The following PPP1R12C variants were observed in gnomAD, a reference collection of about 807,000 sequenced individuals.
PPP1R12C encodes the protein protein phosphatase 1 regulatory subunit 12C, also known as leukocyte receptor cluster (LRC) encoded novel gene 3.
PPP1R12C carries 48 observed loss-of-function variants against 95.6 expected under a neutral mutation model. The ratio of observed to expected loss-of-function variants is 0.50; its 90% CI spans 0.40 to 0.64. The LOEUF is 0.64. Among genes scored for constraint, PPP1R12C ranks in the 30% least tolerant of loss-of-function variants. The pLI is 0.00. For synonymous variants in PPP1R12C, 480 were observed against 460.8 expected, an observed-to-expected ratio of 1.04 and a Z score of -0.53; for missense variants, 1,057 against 1,083.3, an observed-to-expected ratio of 0.98 and a Z score of 0.34.
chr19:55,110,922 A>G lies in PPP1R12C; in HGVS notation c.571+1545T>C, dbSNP rs75361243. Among the ~76,000 whole-genome samples the G allele has an allele frequency of 3.6e-3, 553 of 151,746 alleles. 8 individuals are homozygous for G. Among genetic ancestry groups the G allele is most frequent in the African/African-American group, 0.012 (513 of 41,420 alleles). The stretch of plus-strand genomic sequence containing the variant: ...AAAGGCAGGGGTGGGGTGGTAAGAA[A>G]GGAAGGGAGAGATGGAGGGAAAAAA... On this transcript the variant is annotated intron_variant, in intron 3 of 21. Transcript: ENST00000263433.
At chr19:55,104,199 T>TATACACACAC (rs34075382) in intron 3 of PPP1R12C, among the ~76,000 whole-genome samples, 94 of 120,038 alleles carry the variant, frequency 7.8e-4, no homozygotes, top group African/African-American at 3.4e-3. Context: ...TATATATATA[T>TATACACACAC]ACACACACAC....
At chr19:55,096,014 T>G in intron 8 of PPP1R12C, 37 bp downstream of exon 8, 1 of 1,607,744 alleles carries the variant, frequency 6.2e-7, no homozygotes, top group Non-Finnish European at 8.5e-7. Flanking sequence ...CGACCCCTCC[T>G]CCCTCGGACC....
intron 19 of PPP1R12C, 87 bp from the exon 20 acceptor site, chr19:55,091,996 G>A (rs930445330): frequency 8.7e-6 from 13 of 1,499,388 alleles, no homozygotes; most frequent in East Asian, 4.6e-5. Flanking sequence ...GCACCCGCCC[G>A]CCCACTAGGC....
intron 3 of PPP1R12C, among the ~76,000 whole-genome samples, chr19:55,105,817 C>T (rs112811236): frequency 0.01 from 1,537 of 152,118 alleles, 23 homozygotes; most frequent in African/African-American, 0.035. Context: ...TGGTGCACAC[C>T]TATGGTCTCA....
Position 55,098,814 on chromosome 19 carries a change from C to T in PPP1R12C, c.921G>A (p.Leu307=). 6.2e-7 allele frequency: 1 copy of T among 1,613,576 alleles called. No homozygotes were observed. Among genetic ancestry groups the T allele is most frequent in the South Asian group, 1.1e-5 (1 of 91,088 alleles). ...CDLADEEVLS[L]LEELARKQED... is the part of the protein sequence containing the mutation. ...CCTGTTTCCGGGCCAGTTCCTCCAA[C>T]AGGCTCAGTACTTCCTCATCGGCCA... Residue 307 remains leucine (L), a synonymous_variant, in exon 6 of 22, where the codon CTG becomes CTA. Coordinates refer to ENST00000263433, the MANE Select transcript of PPP1R12C (RefSeq NM_017607.4).
chr19:55,094,336 A>T lies in PPP1R12C; in HGVS notation c.1683+9T>A, dbSNP rs3803899. On this transcript the variant is annotated intron_variant, in intron 13 of 21. Coordinates refer to ENST00000263433, the MANE Select transcript of PPP1R12C (RefSeq NM_017607.4). The stretch of plus-strand genomic sequence containing the variant: ...GACCCAGGAGTCCAGACCCCAGCCC[A>T]CCCCACACCTGTGTGGACCTCCGAG... 1 of 1,434,594 alleles carries T rather than the reference A, an allele frequency of 7.0e-7. No individual in the cohort carries two copies. Among genetic ancestry groups the T allele is most frequent in the Admixed American group, 1.8e-5 (1 of 55,324 alleles). 88.9% of individuals were successfully genotyped at this position (1,434,594 alleles called of 1,614,324 possible).
Position 55,098,870 on chromosome 19 carries a change from G to T in PPP1R12C, c.877-12C>A, listed in dbSNP as rs1396314974. ...CAGGGACGCTGCCCCTGGGTCAGGG[G>T]AGGAGCAGGATCAGACAATGAAGGA... On this transcript the variant is annotated splice_polypyrimidine_tract_variant and intron_variant, in intron 5 of 21. Coordinates refer to ENST00000263433, the MANE Select transcript of PPP1R12C (RefSeq NM_017607.4). 1 of 1,612,934 alleles carries T rather than the reference G, an allele frequency of 6.2e-7. No homozygotes were observed. The highest frequency in any genetic ancestry group is 8.5e-7 in the Non-Finnish European group (1 of 1,179,724).
chr19:55,091,697 G>C lies in PPP1R12C; in HGVS notation c.2215C>G (p.Arg739Gly), dbSNP rs558485178. The C allele has an allele frequency of 1.9e-6, 3 of 1,613,060 alleles. No individual in the cohort carries two copies. The highest frequency in any genetic ancestry group is 1.3e-5 in the African/African-American group (1 of 74,778). ...PALLELERFERRALERKAAEL... is the reference protein window; with the variant it reads ...PALLELERFEGRALERKAAEL... ...GCGGCCTTGCGTTCCAGGGCCCTGC[G>C]CTCCTGGAATGAACAGGGAAAGTGC... The change falls in exon 21 of 22, where the codon CGC becomes GGC. Residue 739 changes from arginine (R) to glycine (G), a missense_variant. Physicochemically the swap from Arg to Gly is moderately radical, Grantham distance 125. Transcript: ENST00000263433.
intron 1 of PPP1R12C, 47 bp downstream of exon 1, chr19:55,117,176 C>G: frequency 8.3e-7 from 1 of 1,211,212 alleles, no homozygotes; most frequent in South Asian, 4.1e-5. Flanking sequence ...GGTGGCGCAG[C>G]AGAGGGTGGA....
In PPP1R12C at chr19:55,098,954, A is replaced by G. The variant is rs1409897832; in HGVS notation, c.873T>C (p.His291=). The G allele has an allele frequency of 1.9e-6, 3 of 1,580,584 alleles. No homozygotes were observed. Among genetic ancestry groups the G allele is most frequent in the Non-Finnish European group, 2.6e-6 (3 of 1,163,208 alleles). ...EHGGGMDSLT[H]AGQRPCDLAD... ...CAGCCTGGGCACTGGCCCTCACCGC[A>G]TGGGTCAGTGAGTCCATGCCCCCGC... is the stretch of plus-strand genomic sequence containing the variant. Residue 291 remains histidine, a synonymous_variant, in exon 5 of 22, where the codon CAT becomes CAC. Coordinates refer to ENST00000263433, the MANE Select transcript of PPP1R12C (RefSeq NM_017607.4).
Position 55,095,406 on chromosome 19 carries a change from C to A in PPP1R12C, c.1386+39G>T, listed in dbSNP as rs115316703. The A allele has an allele frequency of 2.4e-3, 3,722 of 1,564,988 alleles. 63 individuals carry two copies. The African/African-American group carries it at 0.045, about 19-fold the overall frequency. Reference sequence around the variant, plus strand: ...GGAAGGGGCAGTTCCCTCGACTGGGCAGGGGCCTGGGCCTGGACCCGGCCC... The same window carrying A: ...GGAAGGGGCAGTTCCCTCGACTGGGAAGGGGCCTGGGCCTGGACCCGGCCC... On this transcript the variant is annotated intron_variant, in intron 10 of 21. Coordinates refer to ENST00000263433, the MANE Select transcript of PPP1R12C (RefSeq NM_017607.4).
chr19:55,110,786 G>A (rs1194262104), intron 3 of PPP1R12C, among the ~76,000 whole-genome samples: 2 of 151,596 alleles, frequency 1.3e-5, no homozygotes, highest in African/African-American at 4.9e-5. Flanking sequence ...CAGGAGAATC[G>A]CTTGAACCCA....
intron 4 of PPP1R12C, among the ~76,000 whole-genome samples, chr19:55,102,541 A>G (rs904400491): frequency 6.6e-6 from 1 of 152,210 alleles, no homozygotes; most frequent in African/African-American, 2.4e-5. Flanking sequence ...CTATATATGC[A>G]CCAAATAATC....
chr19:55,092,912 C>A, intron 15 of PPP1R12C, 44 bp from the exon 16 acceptor site: 1 of 1,595,698 alleles, frequency 6.3e-7, no homozygotes, highest in Non-Finnish European at 8.5e-7. Context: ...CCAGAGCCCC[C>A]TCTCGGTGCC....
intron 14 of PPP1R12C, 34 bp downstream of exon 14, chr19:55,093,119 C>T (rs984337562): frequency 1.9e-6 from 3 of 1,613,274 alleles, no homozygotes; most frequent in African/African-American, 1.3e-5. Flanking sequence ...GGACATCCCG[C>T]ACCACCCCAC....
intron 18 of PPP1R12C, 38 bp from the exon 19 acceptor site, chr19:55,092,364 G>A (rs1233398105): frequency 1.9e-6 from 3 of 1,571,496 alleles, no homozygotes; most frequent in African/African-American, 1.3e-5. Flanking sequence ...TGGAGGATGG[G>A]GCGATGCTGG....
intron 4 of PPP1R12C, among the ~76,000 whole-genome samples, chr19:55,101,675 G>T (rs537062577): frequency 1.3e-5 from 2 of 152,210 alleles, no homozygotes; most frequent in Admixed American, 1.3e-4. Flanking sequence ...AAAAGGACAC[G>T]GCCTCCAGGC....
Position 55,094,673 on chromosome 19 carries a change from CG to C in PPP1R12C, c.1579del (p.Arg527GlyfsTer37). The C allele has an allele frequency of 6.3e-7, 1 of 1,597,916 alleles. No individual in the cohort carries two copies. On this transcript the variant is annotated frameshift_variant, in exon 12 of 22. Transcript: ENST00000263433. LOFTEE classifies it high-confidence loss of function. ...TASTAPPADS[R>X]DRRRSYQMPV... Reference sequence around the variant, plus strand: ...CTGGCCTCTTCACCTCCGTCGGTCCCGGGAGTCCGCTGGGGGCGCCGTGGAG... The same window carrying C: ...CTGGCCTCTTCACCTCCGTCGGTCCCGGAGTCCGCTGGGGGCGCCGTGGAG...
chr19:55,098,205 G>A (rs561352685), intron 6 of PPP1R12C, among the ~76,000 whole-genome samples: 10 of 152,298 alleles, frequency 6.6e-5, no homozygotes, highest in African/African-American at 1.4e-4. Flanking sequence ...CACAATCCAC[G>A]TGTCACGCAT....
Sources: allele counts gnomAD v4.1 joint callset (sites outside exome capture counted in the v4.1 genomes callset), GRCh38; gene constraint gnomAD v4.1.1; transcripts MANE v1.5; gene names NCBI Gene and HGNC (gene_info 2026-07-23, HGNC 2026-07-21).